The following RPS6KA1 variants were observed in gnomAD, a reference collection of about 807,000 sequenced individuals.
RPS6KA1 encodes ribosomal protein S6 kinase alpha-1.
Under a neutral mutation model 91.3 loss-of-function variants are expected in RPS6KA1, and 48 were observed. That is an observed-to-expected ratio of 0.53 (90% CI 0.42 to 0.67). RPS6KA1 has a LOEUF of 0.67. Ranked by LOEUF, RPS6KA1 falls within the 30% of genes least tolerant of loss-of-function variation. The pLI is 0.00. For synonymous variants in RPS6KA1, 359 were observed against 384.7 expected, an observed-to-expected ratio of 0.93 and a Z score of 0.78; for missense variants, 719 against 960.5, an observed-to-expected ratio of 0.75 and a Z score of 3.32.
At chr1:26,544,482 G>GT (rs1374659960) in intron 2 of RPS6KA1, among the ~76,000 whole-genome samples, 110 of 148,768 alleles carry the variant, frequency 7.4e-4, no homozygotes, top group African/African-American at 2.3e-3. Context: ...TTGCCTGTTG[G>GT]TTTTTTTTTT....
chr1:26,543,042 T>G, intron 2 of RPS6KA1: 1 of 1,095,498 alleles, frequency 9.1e-7, no homozygotes, highest in Non-Finnish European at 1.3e-6. Flanking sequence ...CCCTCCTCCC[T>G]GCAGAGGGGG....
rs769980803 is a variant in RPS6KA1, at chr1:26,574,144, C to A, written c.2151C>A (p.Ile717=). ...SSKPTPQLKP[I]ESSILAQRRV... ...AGCCCACCCCCCAGCTGAAGCCCAT[C>A]GAGTCATCCATCCTGGCCCAGCGGC... Residue 717 remains isoleucine, a synonymous_variant, in exon 22 of 22, where the codon ATC becomes ATA. Transcript: ENST00000374168. This position sits in a 1 kb window ranked among gnomAD's most constrained non-coding sequence, Gnocchi z 4.3. The A allele has an allele frequency of 8.1e-6, 13 of 1,614,024 alleles. No homozygotes were observed. The highest frequency in any genetic ancestry group is 6.7e-5 in the Admixed American group (4 of 60,006).
intron 4 of RPS6KA1, among the ~76,000 whole-genome samples, chr1:26,548,262 T>C (rs1386972964): frequency 1.3e-5 from 2 of 151,944 alleles, no homozygotes; most frequent in East Asian, 3.9e-4. Flanking sequence ...CAGGAGAGGC[T>C]AAGCATACCC....
chr1:26,552,507 A>G (rs2076061904), intron 6 of RPS6KA1, among the ~76,000 whole-genome samples: 1 of 115,894 alleles, frequency 8.6e-6, no homozygotes, highest in South Asian at 3.2e-4. Flanking sequence ...TTTTTTTCAG[A>G]TGGAGTTTTG....
Position 26,561,411 on chromosome 1 carries a change from G to A in RPS6KA1, c.1432-94G>A, listed in dbSNP as rs2076153010. ...AGAGCAAGCAGAACACCTGCCCAAG[G>A]CTCATGTCATTCTTCCCTGCTCTGG... On this transcript the variant is annotated intron_variant, in intron 16 of 21. Coordinates refer to ENST00000374168, the MANE Select transcript of RPS6KA1 (RefSeq NM_002953.4). The surrounding 1 kb of genome is among the most constrained non-coding windows in gnomAD (Gnocchi z 5.7). The A allele has an allele frequency of 2.6e-6, 4 of 1,517,990 alleles. No homozygotes were observed. Among genetic ancestry groups the A allele is most frequent in the Non-Finnish European group, 3.6e-6 (4 of 1,099,626 alleles). 94.0% of individuals were successfully genotyped at this position (1,517,990 alleles called of 1,614,324 possible). A position where few individuals can be genotyped will look rare whatever the true frequency, so the allele number is the denominator to read the frequency against.
At position 26,540,140 on chromosome 1, in the gene RPS6KA1, C is replaced by T. The variant is rs147101569; in HGVS notation, c.108+3171C>T. 2.8e-3 allele frequency among the ~76,000 whole-genome samples: 424 copies of T among 152,254 alleles called. 2 individuals carry two copies. Among genetic ancestry groups the T allele is most frequent in the African/African-American group, 1.0e-2 (415 of 41,544 alleles). ...CCCTTCAGCCTGCCCAGGGGAGACCCCACAGCAGTAAGACTAAGTAAACCT... is the reference window on the plus strand; with the variant it reads ...CCCTTCAGCCTGCCCAGGGGAGACCTCACAGCAGTAAGACTAAGTAAACCT... On this transcript the variant is annotated intron_variant, in intron 2 of 21. Coordinates refer to ENST00000374168, the MANE Select transcript of RPS6KA1 (RefSeq NM_002953.4). The surrounding 1 kb of genome is among the most constrained non-coding windows in gnomAD (Gnocchi z 4.2).
intron 2 of RPS6KA1, among the ~76,000 whole-genome samples, 199 bp downstream of exon 2, chr1:26,537,168 G>A (rs914414915): frequency 2.6e-5 from 4 of 152,244 alleles, no homozygotes; most frequent in Non-Finnish European, 5.9e-5. Flanking sequence ...TGAGGCGACT[G>A]TGGCCCAGAA....
chr1:26,545,084 G>A (rs1010272318), intron 2 of RPS6KA1, among the ~76,000 whole-genome samples: 1 of 151,792 alleles, frequency 6.6e-6, no homozygotes, highest in South Asian at 2.1e-4. Flanking sequence ...GCCTCTGCCT[G>A]TTGGGTGCGT....
At position 26,558,314 on chromosome 1, in the gene RPS6KA1, A is replaced by G. The variant is rs1452067792; in HGVS notation, c.1085-493A>G. On this transcript the variant is annotated intron_variant, in intron 13 of 21. Coordinates refer to ENST00000374168, the MANE Select transcript of RPS6KA1 (RefSeq NM_002953.4). The surrounding 1 kb of genome is among the most constrained non-coding windows in gnomAD (Gnocchi z 4.0). ...CAAGGGCTCAGAGACCCCTCTAAGG[A>G]TCTGAGAAGTCCAACATGGCTCAGC... Among the ~76,000 whole-genome samples the G allele has an allele frequency of 2.0e-5, 3 of 152,288 alleles. No individual in the cohort carries two copies. The highest frequency in any genetic ancestry group is 7.2e-5 in the African/African-American group (3 of 41,572).
rs2124672400 is a variant in RPS6KA1, at chr1:26,571,362, C to T, written c.1591-87C>T. The stretch of plus-strand genomic sequence containing the variant: ...ATGCACCCGTCCCTCTGCACCCTGT[C>T]TGTGTAGCTTTCTAATCTCTGGCCG... On this transcript the variant is annotated intron_variant, in intron 17 of 21. Transcript: ENST00000374168. The surrounding 1 kb of genome is among the most constrained non-coding windows in gnomAD (Gnocchi z 5.1). 1.5e-6 allele frequency: 2 copies of T among 1,320,548 alleles called. No homozygotes were observed. Among genetic ancestry groups the T allele is most frequent in the Admixed American group, 1.8e-5 (1 of 55,894 alleles). 81.8% of individuals were successfully genotyped at this position (1,320,548 alleles called of 1,614,324 possible).
chr1:26,543,070 G>T, intron 2 of RPS6KA1: 6 of 1,375,034 alleles, frequency 4.4e-6, no homozygotes, highest in Non-Finnish European at 6.0e-6. Flanking sequence ...AAGGAGGGGG[G>T]CCAGAGACCC....
In RPS6KA1 at chr1:26,564,505, G is replaced by T. The variant is rs189423937; in HGVS notation, c.1590+2842G>T. Among the ~76,000 whole-genome samples the T allele has an allele frequency of 4.1e-3, 627 of 152,212 alleles. 5 individuals carry two copies. Among genetic ancestry groups the T allele is most frequent in the African/African-American group, 0.014 (600 of 41,544 alleles). On this transcript the variant is annotated intron_variant, in intron 17 of 21. Coordinates refer to ENST00000374168, the MANE Select transcript of RPS6KA1 (RefSeq NM_002953.4). Reference sequence around the variant, plus strand: ...GATCACCTGACCTTGTGATCTGCCCGCCTCGGCCTCCCAAAGAGCTGAGAT... The same window carrying T: ...GATCACCTGACCTTGTGATCTGCCCTCCTCGGCCTCCCAAAGAGCTGAGAT...
chr1:26,548,992 G>A (rs2076021608), intron 4 of RPS6KA1, among the ~76,000 whole-genome samples: 1 of 151,450 alleles, frequency 6.6e-6, no homozygotes, highest in South Asian at 2.1e-4. Flanking sequence ...CAAGGGCCAA[G>A]GATTGTGTCC....
At chr1:26,553,296 G>A (rs1203481891) in intron 6 of RPS6KA1, 95 bp from the exon 7 acceptor site, 49 of 768,072 alleles carry the variant, frequency 6.4e-5, no homozygotes, top group Non-Finnish European at 2.3e-6. Context: ...TCCTCCCAGG[G>A]TGGCTCTTCA....
At position 26,564,687 on chromosome 1, in the gene RPS6KA1, C is replaced by T. The variant is rs7536357; in HGVS notation, c.1590+3024C>T. 3.3e-5 allele frequency among the ~76,000 whole-genome samples: 5 copies of T among 152,176 alleles called. No homozygotes were observed. In the East Asian group the frequency reaches 5.8e-4, roughly 18 times the overall value. On this transcript the variant is annotated intron_variant, in intron 17 of 21. Transcript: ENST00000374168. ...TATTTCATTAGGGTTGTGAAAGTGGCGATGCCTGATTATGTCTAATTTTTT... is the reference window on the plus strand; with the variant it reads ...TATTTCATTAGGGTTGTGAAAGTGGTGATGCCTGATTATGTCTAATTTTTT...
intron 4 of RPS6KA1, among the ~76,000 whole-genome samples, chr1:26,548,469 C>G (rs796085186): frequency 3.7e-4 from 56 of 152,198 alleles, no homozygotes; most frequent in Middle Eastern, 3.4e-3. Context: ...GAAGGAGAAA[C>G]TGTTTGCCTG....
rs575710756 is a variant in RPS6KA1 at position 26,568,257 on chromosome 1, G to A, written c.1591-3192G>A. Among the ~76,000 whole-genome samples, 7 of 152,234 alleles carry A rather than the reference G, an allele frequency of 4.6e-5. No individual in the cohort carries two copies. In the South Asian group the frequency reaches 1.0e-3, roughly 23 times the overall value. On this transcript the variant is annotated intron_variant, in intron 17 of 21. Transcript: ENST00000374168. ...CCCAGCCTGTTGTGATTTTCCATGC[G>A]GTGAGATGTGAGACTATACTTTTCC... is the stretch of plus-strand genomic sequence containing the variant.
rs2124640556 is a variant in RPS6KA1, at chr1:26,554,137, C to T, written c.576-77C>T. 1.4e-6 allele frequency: 2 copies of T among 1,477,022 alleles called. No individual in the cohort carries two copies. The highest frequency in any genetic ancestry group is 2.5e-5 in the East Asian group (1 of 40,282). The allele number at this position is 1,477,022 out of a possible 1,614,324, so 91.5% of individuals were successfully genotyped here. ...AGCACCTCCTCTGGGCTGAACCCAACTCCCACAGCCCTGTGGTAACACCAT... is the reference window on the plus strand; with the variant it reads ...AGCACCTCCTCTGGGCTGAACCCAATTCCCACAGCCCTGTGGTAACACCAT... On this transcript the variant is annotated intron_variant, in intron 7 of 21. Coordinates refer to ENST00000374168, the MANE Select transcript of RPS6KA1 (RefSeq NM_002953.4). The surrounding 1 kb of genome is among the most constrained non-coding windows in gnomAD (Gnocchi z 4.6).
chr1:26,552,395 A>G (rs1186201212), intron 6 of RPS6KA1, among the ~76,000 whole-genome samples: 68 of 150,952 alleles, frequency 4.5e-4, no homozygotes, highest in African/African-American at 1.4e-3. Context: ...TCAAAAAAAA[A>G]AAAAAAAAAA....
Sources: allele counts gnomAD v4.1 joint callset (sites outside exome capture counted in the v4.1 genomes callset), GRCh38; gene constraint gnomAD v4.1.1; non-coding constraint Gnocchi (gnomAD v3.1); transcripts MANE v1.5; gene names NCBI Gene and HGNC (gene_info 2026-07-23, HGNC 2026-07-21).